The following COLEC12 variants were observed in gnomAD, a reference collection of about 807,000 sequenced individuals.
COLEC12 encodes collectin-12.
A neutral mutation model predicts 71.1 loss-of-function variants in COLEC12; 33 were observed. That is an observed-to-expected ratio of 0.46 (90% confidence interval 0.35 to 0.62). The LOEUF is 0.62. Among genes scored for constraint, COLEC12 ranks in the 20% least tolerant of loss-of-function variants. The probability of loss-of-function intolerance (pLI) is 0.00; values close to 1 mark genes in which losing one functional copy is unlikely to be tolerated. For synonymous variants in COLEC12, 350 were observed against 353.0 expected, an observed-to-expected ratio of 0.99 and a Z score of 0.10; for missense variants, 765 against 916.1, an observed-to-expected ratio of 0.84 and a Z score of 2.13.
intron 2 of COLEC12, among the ~76,000 whole-genome samples, chr18:441,494 G>A (rs1916534713): frequency 6.6e-6 from 1 of 152,072 alleles, no homozygotes; most frequent in South Asian, 2.1e-4. Flanking sequence ...ACACAGCCTT[G>A]TACTGTGCAG....
chr18:418,669 C>T (rs1916035908), intron 2 of COLEC12, among the ~76,000 whole-genome samples: 1 of 152,216 alleles, frequency 6.6e-6, no homozygotes, highest in Non-Finnish European at 1.5e-5. Context: ...GACCTCTGGT[C>T]GTCCTGACTG....
intron 6 of COLEC12, chr18:334,286 C>A (rs750040672): frequency 6.6e-6 from 1 of 152,354 alleles, no homozygotes; most frequent in African/African-American, 2.4e-5. Flanking sequence ...CCTGTTCTGG[C>A]AGCAGGGCTC....
chr18:353,622 T>G (rs1463273626), intron 3 of COLEC12, among the ~76,000 whole-genome samples: 1 of 152,210 alleles, frequency 6.6e-6, no homozygotes, highest in South Asian at 2.1e-4. Flanking sequence ...GTGCTAGACA[T>G]TGAGGATTCA....
chr18:330,201 G>T (rs946128786), intron 8 of COLEC12, among the ~76,000 whole-genome samples: 15 of 152,200 alleles, frequency 9.9e-5, no homozygotes, highest in African/African-American at 3.4e-4. Context: ...AAATGCACAT[G>T]CACACGCACA....
At chr18:471,430 G>A (rs972441722) in intron 2 of COLEC12, among the ~76,000 whole-genome samples, 5 of 149,356 alleles carry the variant, frequency 3.3e-5, no homozygotes, top group African/African-American at 9.9e-5. Flanking sequence ...AATGACTTTT[G>A]TTCATTCATT....
chr18:419,660 T>C (rs1464125532), intron 2 of COLEC12, among the ~76,000 whole-genome samples: 1 of 152,254 alleles, frequency 6.6e-6, no homozygotes. Flanking sequence ...CTTAAGCAGA[T>C]GCAGAGTGAG....
At chr18:344,878 T>A (rs574863552) in intron 5 of COLEC12, among the ~76,000 whole-genome samples, 38 of 152,254 alleles carry the variant, frequency 2.5e-4, no homozygotes, top group Admixed American at 7.9e-4. Flanking sequence ...ATATACAGTT[T>A]CAAGTCACAC....
At chr18:452,177 C>T (rs1446938674) in intron 2 of COLEC12, among the ~76,000 whole-genome samples, 4 of 152,170 alleles carry the variant, frequency 2.6e-5, no homozygotes, top group Non-Finnish European at 5.9e-5. Context: ...CACTCACATA[C>T]ACCGTGTTGG....
At chr18:428,023 G>A (rs1348591251) in intron 2 of COLEC12, among the ~76,000 whole-genome samples, 1 of 152,204 alleles carries the variant, frequency 6.6e-6, no homozygotes, top group South Asian at 2.1e-4. Context: ...CCAGCACTTC[G>A]GGAGGATGAG....
intron 2 of COLEC12, among the ~76,000 whole-genome samples, chr18:463,252 T>A (rs892349549): frequency 6.6e-6 from 1 of 152,234 alleles, no homozygotes; most frequent in Non-Finnish European, 1.5e-5. Context: ...ACCTTCATAA[T>A]GTTTTGTTTT....
intron 2 of COLEC12, among the ~76,000 whole-genome samples, chr18:415,213 C>T (rs1035816224): frequency 6.6e-6 from 1 of 152,136 alleles, no homozygotes; most frequent in Admixed American, 6.5e-5. Context: ...GGAATTAATG[C>T]CGTTTCCATT....
At chr18:384,819 C>T (rs1007918127) in intron 2 of COLEC12, among the ~76,000 whole-genome samples, 1 of 152,146 alleles carries the variant, frequency 6.6e-6, no homozygotes, top group African/African-American at 2.4e-5. Context: ...TTTTGTTGAA[C>T]TCAGGAGAAC....
intron 2 of COLEC12, among the ~76,000 whole-genome samples, chr18:391,312 GCAAA>G (rs1329581238): frequency 8.5e-5 from 13 of 152,310 alleles, no homozygotes; most frequent in South Asian, 2.1e-4. Context: ...CTGTGTGTGC[GCAAA>G]CAGAGAAGAG....
intron 2 of COLEC12, among the ~76,000 whole-genome samples, chr18:370,354 G>A (rs1914973616): frequency 6.6e-6 from 1 of 152,054 alleles, no homozygotes; most frequent in Non-Finnish European, 1.5e-5. Flanking sequence ...TTATTTCCCC[G>A]ATGGCCAAAC....
chr18:443,805 A>G (rs1185092436), intron 2 of COLEC12, among the ~76,000 whole-genome samples: 1 of 152,194 alleles, frequency 6.6e-6, no homozygotes, highest in South Asian at 2.1e-4. Context: ...TGTTTGGATC[A>G]TGGGGGTGGA....
chr18:415,354 T>C (rs1269770443), intron 2 of COLEC12, among the ~76,000 whole-genome samples: 1 of 152,180 alleles, frequency 6.6e-6, no homozygotes, highest in African/African-American at 2.4e-5. Flanking sequence ...CCTTGTATCA[T>C]TGTGATATCT....
At chr18:364,649 A>G (rs1323523906) in intron 2 of COLEC12, among the ~76,000 whole-genome samples, 3 of 152,202 alleles carry the variant, frequency 2.0e-5, no homozygotes, top group Non-Finnish European at 4.4e-5. Flanking sequence ...TTGGGTCATC[A>G]ATCTGCTGTA....
intron 2 of COLEC12, among the ~76,000 whole-genome samples, chr18:435,598 ATCTCTC>A (rs5822567): frequency 1.3e-5 from 2 of 151,252 alleles, no homozygotes; most frequent in Admixed American, 6.6e-5. Context: ...TTAAATCCAA[ATCTCTC>A]TCTCTCTCTC....
chr18:440,144 A>G (rs191170574), intron 2 of COLEC12, among the ~76,000 whole-genome samples: 6 of 151,826 alleles, frequency 4.0e-5, no homozygotes, highest in Admixed American at 1.3e-4. Flanking sequence ...CATATGTGGA[A>G]TCTTTAAAAA....
Sources: allele counts gnomAD v4.1 joint callset (sites outside exome capture counted in the v4.1 genomes callset), GRCh38; gene constraint gnomAD v4.1.1; transcripts MANE v1.5; gene names NCBI Gene and HGNC (gene_info 2026-07-23, HGNC 2026-07-21).